NOSIP: variants seen among roughly 807,000 people sequenced by gnomAD.
NOSIP encodes the protein nitric oxide synthase interacting protein.
In NOSIP, 25 loss-of-function variants were observed where a neutral mutation model predicts 36.4. That is an observed-to-expected ratio of 0.69 (90% CI 0.50 to 0.96). The LOEUF (loss-of-function observed/expected upper bound fraction) is 0.96. NOSIP is among the 40% of genes least tolerant of loss of function. The pLI is 0.00. For missense variants in NOSIP, 370 were observed against 429.0 expected (o/e 0.86, Z 1.21); for synonymous variants, 187 against 179.2 (o/e 1.04, Z -0.35).
At chr19:49,556,254 G>A (rs1174460865) in intron 8 of NOSIP, 63 bp downstream of exon 8, 8 of 964,876 alleles carry the variant, frequency 8.3e-6, no homozygotes, top group Non-Finnish European at 1.2e-5. Flanking sequence ...AAGCCTTGGA[G>A]GGGGTGAAGG....
chr19:49,569,564 T>C (rs969375085), intron 1 of NOSIP, among the ~76,000 whole-genome samples: 1 of 148,694 alleles, frequency 6.7e-6, no homozygotes, highest in Non-Finnish European at 1.5e-5. Context: ...CCCAGCACTT[T>C]AGGAGGCCGA....
rs1164050288 is a variant in NOSIP, at chr19:49,557,012, A to T, written c.419-19T>A. 1 of 1,597,956 alleles carries T rather than the reference A, an allele frequency of 6.3e-7. No homozygotes were observed. Among genetic ancestry groups the T allele is most frequent in the African/African-American group, 1.3e-5 (1 of 74,628 alleles). ...ACATCATCTGTGGGGGAAGGAAGGG[A>T]CTCAGATGCCGCCCCCTGGGCCCGC... On this transcript the variant is annotated intron_variant, in intron 5 of 8. Transcript: ENST00000596358.
chr19:49,559,273 T>C (rs947515519), intron 3 of NOSIP: 2 of 340,366 alleles, frequency 5.9e-6, no homozygotes, highest in Non-Finnish European at 1.1e-5. Context: ...CTTCATTCTC[T>C]CAGCAACAAT....
intron 1 of NOSIP, among the ~76,000 whole-genome samples, chr19:49,561,884 A>G (rs753574120): frequency 1.7e-5 from 2 of 115,130 alleles, no homozygotes; most frequent in Non-Finnish European, 4.0e-5. Flanking sequence ...TGTCACAATT[A>G]AAAAAAAAAA....
At chr19:49,567,775 G>C (rs1384801806) in intron 1 of NOSIP, among the ~76,000 whole-genome samples, 4 of 151,874 alleles carry the variant, frequency 2.6e-5, no homozygotes, top group African/African-American at 9.7e-5. Context: ...GTGTTCAAGC[G>C]ATTCTCCTGC....
chr19:49,577,503 G>A (rs1394908607), intron 1 of NOSIP, among the ~76,000 whole-genome samples: 6 of 152,024 alleles, frequency 3.9e-5, no homozygotes, highest in African/African-American at 1.4e-4. Context: ...TCACGCCACT[G>A]CACTCCAGCC....
At chr19:49,564,453 C>CAAAAAAAAAA (rs1011453088) in intron 1 of NOSIP, among the ~76,000 whole-genome samples, 1,257 of 39,594 alleles carry the variant, frequency 0.032, 1 homozygote, top group Non-Finnish European at 0.045. Context: ...GACTCCATCT[C>CAAAAAAAAAA]AAAAAAAAAA....
chr19:49,560,524 G>C lies in NOSIP; in HGVS notation c.70+98C>G. 1 of 882,236 alleles carries C rather than the reference G, an allele frequency of 1.1e-6. No individual in the cohort carries two copies. Among genetic ancestry groups the C allele is most frequent in the Non-Finnish European group, 1.8e-6 (1 of 543,568 alleles). 54.7% of individuals were successfully genotyped at this position (882,236 alleles called of 1,614,324 possible). On this transcript the variant is annotated intron_variant, in intron 2 of 8. Transcript: ENST00000596358. This position sits in a 1 kb window ranked among gnomAD's most constrained non-coding sequence, Gnocchi z 4.6. ...CCATCAGTGTATATCGGGGGCGGGA[G>C]AGAGACAGGGACAGAGGAAGCAAAA... is the stretch of plus-strand genomic sequence containing the variant.
chr19:49,563,767 T>C (rs1599753358), intron 1 of NOSIP, among the ~76,000 whole-genome samples: 2 of 152,178 alleles, frequency 1.3e-5, no homozygotes, highest in Non-Finnish European at 2.9e-5. Context: ...AGTGCTGGGA[T>C]TACAGGTGTG....
chr19:49,578,571 C>T (rs565664417), intron 1 of NOSIP, among the ~76,000 whole-genome samples: 1 of 152,126 alleles, frequency 6.6e-6, no homozygotes, highest in Admixed American at 6.5e-5. Flanking sequence ...TTTGGGAGGC[C>T]AAGGCAGGAG....
At position 49,555,633 on chromosome 19, in the gene NOSIP, A is replaced by C; in HGVS notation, c.*118T>G. On this transcript the variant is annotated 3_prime_UTR_variant, in exon 9 of 9. Coordinates refer to ENST00000596358, the MANE Select transcript of NOSIP (RefSeq NM_001270960.2). ...TTCAAACTCCAGCGTGCGCTGTAGG[A>C]GCACTGTTTGCACGGCCCTGCATCC... 1.3e-6 allele frequency: 1 copy of C among 773,442 alleles called. No homozygotes were observed. The highest frequency in any genetic ancestry group is 1.6e-5 in the South Asian group (1 of 63,182). 47.9% of individuals were successfully genotyped at this position (773,442 alleles called of 1,614,324 possible). A position where few individuals can be genotyped will look rare whatever the true frequency, so the allele number is the denominator to read the frequency against.
At chr19:49,564,422 C>A (rs1195185307) in intron 1 of NOSIP, among the ~76,000 whole-genome samples, 1 of 135,150 alleles carries the variant, frequency 7.4e-6, no homozygotes, top group Non-Finnish European at 1.5e-5. Context: ...CCACGGCACT[C>A]TAGCCTAGGG....
chr19:49,570,987 T>G (rs1039476430), intron 1 of NOSIP, among the ~76,000 whole-genome samples: 4 of 151,406 alleles, frequency 2.6e-5, no homozygotes, highest in African/African-American at 9.7e-5. Flanking sequence ...ATTTAATTTG[T>G]TTTTTTTGAG....
chr19:49,560,139 G>C lies in NOSIP; in HGVS notation c.71-100C>G. On this transcript the variant is annotated intron_variant, in intron 2 of 8. Coordinates refer to ENST00000596358, the MANE Select transcript of NOSIP (RefSeq NM_001270960.2). The surrounding 1 kb of genome is among the most constrained non-coding windows in gnomAD (Gnocchi z 4.6). Reference sequence around the variant, plus strand: ...GAGGCACAGAGACAACGCGGTGGTGGGGGTGGGGGACTCAGAGAGAAACAG... The same window carrying C: ...GAGGCACAGAGACAACGCGGTGGTGCGGGTGGGGGACTCAGAGAGAAACAG... 1.3e-6 allele frequency: 1 copy of C among 756,830 alleles called. No homozygotes were observed. 46.9% of individuals were successfully genotyped at this position (756,830 alleles called of 1,614,324 possible).
At position 49,580,540 on chromosome 19, in the gene NOSIP, G is replaced by C. The variant is rs1435009219; in HGVS notation, c.-27C>G. 1 of 152,104 alleles carries C rather than the reference G, an allele frequency of 6.6e-6. No individual in the cohort carries two copies. Among genetic ancestry groups the C allele is most frequent in the Non-Finnish European group, 1.5e-5 (1 of 68,082 alleles). 9.4% of individuals were successfully genotyped at this position (152,104 alleles called of 1,614,324 possible). On this transcript the variant is annotated 5_prime_UTR_variant, in exon 1 of 9. Coordinates refer to ENST00000596358, the MANE Select transcript of NOSIP (RefSeq NM_001270960.2). ...CTCACTAACGACTCCCAGTCCCTCG[G>C]TCGCTTCTTCAACTGTGCCCCGACA... is the stretch of plus-strand genomic sequence containing the variant.
intron 1 of NOSIP, among the ~76,000 whole-genome samples, chr19:49,564,277 AC>A (rs960800144): frequency 5.7e-4 from 86 of 151,858 alleles, no homozygotes; most frequent in African/African-American, 2.0e-3. Context: ...ACATGGCAAA[AC>A]CCCATCTGTA....
At position 49,555,648 on chromosome 19, in the gene NOSIP, G is replaced by T; in HGVS notation, c.*103C>A. On this transcript the variant is annotated 3_prime_UTR_variant, in exon 9 of 9. Transcript: ENST00000596358. ...GCGCTGTAGGAGCACTGTTTGCACG[G>T]CCCTGCATCCTCGCCTGCCCTGTCC... 2.2e-6 allele frequency: 2 copies of T among 910,764 alleles called. No individual in the cohort carries two copies. Among genetic ancestry groups the T allele is most frequent in the Admixed American group, 1.9e-5 (1 of 52,526 alleles). 56.4% of individuals were successfully genotyped at this position (910,764 alleles called of 1,614,324 possible). A position where few individuals can be genotyped will look rare whatever the true frequency, so the allele number is the denominator to read the frequency against.
intron 1 of NOSIP, among the ~76,000 whole-genome samples, chr19:49,563,797 A>G (rs185489835): frequency 2.0e-5 from 3 of 152,132 alleles, no homozygotes; most frequent in African/African-American, 7.2e-5. Context: ...GCCCAGCCTG[A>G]AAATACTTGC....
At chr19:49,577,194 TCA>T (rs2080564789) in intron 1 of NOSIP, among the ~76,000 whole-genome samples, 3 of 152,144 alleles carry the variant, frequency 2.0e-5, no homozygotes, top group Admixed American at 1.3e-4. Flanking sequence ...TCTGGAAAAG[TCA>T]CAGTTTCTCA....
Sources: gnomAD v4.1 joint callset for allele counts (sites outside exome capture counted in the v4.1 genomes callset) on GRCh38, gnomAD v4.1.1 for gene constraint, Gnocchi (gnomAD v3.1) non-coding constraint, MANE v1.5 for transcripts, NCBI Gene and HGNC (gene_info 2026-07-23, HGNC 2026-07-21) for gene names.